SERPINE2: variants seen among roughly 807,000 people sequenced by gnomAD.
The protein encoded by SERPINE2 is serpin family E member 2, also known as glia-derived nexin.
Under a neutral mutation model 36.3 loss-of-function variants are expected in SERPINE2, and 14 were observed. The ratio of observed to expected loss-of-function variants is 0.39; its 90% CI spans 0.25 to 0.60. SERPINE2 has a LOEUF of 0.60. Among genes scored for constraint, SERPINE2 ranks in the 20% least tolerant of loss-of-function variants. The pLI is 0.57. For synonymous variants in SERPINE2, 192 were observed against 191.8 expected (o/e 1.00, Z -0.01); for missense variants, 418 against 499.6 (o/e 0.84, Z 1.56).
At chr2:224,004,086 T>A (rs531788493) in intron 1 of SERPINE2, among the ~76,000 whole-genome samples, 58 of 152,258 alleles carry the variant, frequency 3.8e-4, no homozygotes, top group Non-Finnish European at 7.1e-4. Context: ...CGATGGCTCA[T>A]AAATACTTCC....
intron 1 of SERPINE2, among the ~76,000 whole-genome samples, chr2:224,017,781 G>A (rs149159648): frequency 2.0e-5 from 3 of 152,140 alleles, no homozygotes; most frequent in African/African-American, 7.2e-5. Flanking sequence ...GACAGTTCTT[G>A]AGGCCCCACT....
intron 1 of SERPINE2, chr2:224,030,241 G>C: frequency 1.0e-6 from 1 of 985,288 alleles, no homozygotes; most frequent in Non-Finnish European, 1.2e-6. Flanking sequence ...GTGATCATTG[G>C]GGAGTACTGC....
intron 1 of SERPINE2, among the ~76,000 whole-genome samples, chr2:224,011,215 C>A (rs1194027042): frequency 6.6e-6 from 1 of 152,184 alleles, no homozygotes; most frequent in Non-Finnish European, 1.5e-5. Context: ...CCTAATCCAG[C>A]AACCAAGAGG....
chr2:223,982,077 G>A (rs997745522), intron 6 of SERPINE2: 13 of 151,628 alleles, frequency 8.6e-5, no homozygotes, highest in African/African-American at 3.2e-4. Flanking sequence ...TTAAATGAAG[G>A]TCAAGAGCAA....
In SERPINE2 at chr2:224,001,767, G is replaced by T; in HGVS notation, c.134C>A (p.Ser45Ter). The change falls in exon 2 of 9, where the codon TCG becomes TAG. Residue 45 changes from serine (S) to a stop codon, truncating the protein, a stop_gained. Coordinates refer to ENST00000409304, the MANE Select transcript of SERPINE2 (RefSeq NM_001136528.2). LOFTEE classifies it high-confidence loss of function. ...GIQVFNQIVK[S>*]RPHDNIVISP... ...GATCACGATGTTGTCATGAGGCCTC[G>T]ACTTCACAATCTGATTGAAAACCTG... The T allele has an allele frequency of 1.9e-6, 3 of 1,614,030 alleles. No homozygotes were observed. Among genetic ancestry groups the T allele is most frequent in the Non-Finnish European group, 2.5e-6 (3 of 1,180,008 alleles).
At chr2:224,014,531 T>C (rs1415529890) in intron 1 of SERPINE2, among the ~76,000 whole-genome samples, 8 of 152,126 alleles carry the variant, frequency 5.3e-5, no homozygotes, top group African/African-American at 7.2e-5. Context: ...AGAGGGATCA[T>C]TGTGTGGCGC....
chr2:223,997,497 G>C (rs1326245673), intron 3 of SERPINE2, among the ~76,000 whole-genome samples: 2 of 152,218 alleles, frequency 1.3e-5, no homozygotes, highest in African/African-American at 4.8e-5. Flanking sequence ...TGGGATTACA[G>C]GTGTGAGCCA....
intron 1 of SERPINE2, among the ~76,000 whole-genome samples, chr2:224,008,726 C>T (rs1691512953): frequency 6.6e-6 from 1 of 152,208 alleles, no homozygotes; most frequent in Admixed American, 6.5e-5. Flanking sequence ...GAAACAGTAG[C>T]ACTGAGCACC....
At chr2:224,014,725 T>G (rs528548190) in intron 1 of SERPINE2, among the ~76,000 whole-genome samples, 1 of 152,298 alleles carries the variant, frequency 6.6e-6, no homozygotes, top group South Asian at 2.1e-4. Flanking sequence ...AAAACCCACT[T>G]TGTTCCTTTG....
intron 1 of SERPINE2, among the ~76,000 whole-genome samples, chr2:224,005,705 T>C (rs1317669218): frequency 6.6e-6 from 1 of 152,240 alleles, no homozygotes; most frequent in Non-Finnish European, 1.5e-5. Flanking sequence ...AACCTCCTGT[T>C]TATTTTCCTT....
chr2:223,987,956 T>C (rs1379839807), intron 4 of SERPINE2, among the ~76,000 whole-genome samples: 1 of 152,234 alleles, frequency 6.6e-6, no homozygotes, highest in Non-Finnish European at 1.5e-5. Flanking sequence ...AAGAAACTTT[T>C]TAGACTGCAC....
chr2:224,022,764 T>C (rs1284832165), intron 1 of SERPINE2, among the ~76,000 whole-genome samples: 2 of 152,222 alleles, frequency 1.3e-5, no homozygotes, highest in Non-Finnish European at 2.9e-5. Flanking sequence ...GGCTTGGCTG[T>C]GTCCCCACCC....
At chr2:223,991,131 G>T (rs529393696) in intron 4 of SERPINE2, among the ~76,000 whole-genome samples, 1 of 152,176 alleles carries the variant, frequency 6.6e-6, no homozygotes, top group South Asian at 2.1e-4. Flanking sequence ...TTTATATCTC[G>T]TTTTCTGAAA....
intron 1 of SERPINE2, among the ~76,000 whole-genome samples, chr2:224,004,461 C>T (rs1469526449): frequency 1.6e-4 from 25 of 152,314 alleles, no homozygotes; most frequent in Non-Finnish European, 4.4e-5. Flanking sequence ...GACCTACATA[C>T]GCTGCTCCCG....
In SERPINE2 at chr2:224,010,008, C is replaced by T. The variant is rs1344785402; in HGVS notation, c.-22-8086G>A. 2.1e-4 allele frequency among the ~76,000 whole-genome samples: 32 copies of T among 152,174 alleles called. 1 individual carries two copies. The highest frequency in any genetic ancestry group is 2.1e-3 in the Admixed American group (32 of 15,276). ...ATTACTGAAATAATGTCCACCAAGA[C>T]CTGTATTCATTTTCCAAACATCTAC... On this transcript the variant is annotated intron_variant, in intron 1 of 8. Coordinates refer to ENST00000409304, the MANE Select transcript of SERPINE2 (RefSeq NM_001136528.2).
chr2:223,987,769 C>T (rs1474755515), intron 4 of SERPINE2, among the ~76,000 whole-genome samples: 5 of 152,168 alleles, frequency 3.3e-5, no homozygotes, highest in Admixed American at 3.3e-4. Context: ...CTGAAGTAAT[C>T]TGATTTCCAC....
chr2:223,992,707 T>C (rs535208183), intron 3 of SERPINE2, among the ~76,000 whole-genome samples: 1 of 152,228 alleles, frequency 6.6e-6, no homozygotes, highest in East Asian at 1.9e-4. Context: ...TGAGAAACGT[T>C]TGAGGTAACT....
rs1040026627 is a variant in SERPINE2, at chr2:224,039,237, G to A, written c.-161C>T. On this transcript the variant is annotated 5_prime_UTR_variant, in exon 1 of 9. Coordinates refer to ENST00000409304, the MANE Select transcript of SERPINE2 (RefSeq NM_001136528.2). The surrounding 1 kb of genome is among the most constrained non-coding windows in gnomAD (Gnocchi z 5.2). Reference sequence around the variant, plus strand: ...CGAGGAGGGTCACAGCCGGAAAGAGGCAGCGGTGGCGCCTGCAGACGCCGC... The same window carrying A: ...CGAGGAGGGTCACAGCCGGAAAGAGACAGCGGTGGCGCCTGCAGACGCCGC... 2.0e-5 allele frequency: 3 copies of A among 150,814 alleles called. No individual in the cohort carries two copies. Among genetic ancestry groups the A allele is most frequent in the African/African-American group, 7.3e-5 (3 of 41,306 alleles). The allele number at this position is 150,814 out of a possible 1,614,324, so 9.3% of individuals were successfully genotyped here. A position where few individuals can be genotyped will look rare whatever the true frequency, so the allele number is the denominator to read the frequency against.
intron 1 of SERPINE2, among the ~76,000 whole-genome samples, chr2:224,033,381 T>C (rs1692439643): frequency 1.3e-5 from 2 of 152,202 alleles, no homozygotes; most frequent in African/African-American, 4.8e-5. Flanking sequence ...ACAAGAACTT[T>C]AAGGTGTATG....
Sources: gnomAD v4.1 joint callset for allele counts (sites outside exome capture counted in the v4.1 genomes callset) on GRCh38, gnomAD v4.1.1 for gene constraint, Gnocchi (gnomAD v3.1) non-coding constraint, MANE v1.5 for transcripts, NCBI Gene and HGNC (gene_info 2026-07-23, HGNC 2026-07-21) for gene names.